NEMP2: variants seen among roughly 807,000 people sequenced by gnomAD.
NEMP2 encodes the protein UPF0571 transmembrane protein.
A neutral mutation model predicts 54.2 loss-of-function variants in NEMP2; 53 were observed. The ratio of observed to expected loss-of-function variants is 0.98; its 90% CI spans 0.78 to 1.23. NEMP2 has a LOEUF of 1.23. Ranked by LOEUF, NEMP2 falls within the 50% of genes most tolerant of loss-of-function variation. The pLI is 0.00. For synonymous variants in NEMP2, 197 were observed against 190.3 expected (o/e 1.04, Z -0.29); for missense variants, 455 against 511.3 (o/e 0.89, Z 1.06).
chr2:190,549,359 G>A, the NEMP2 span, among the ~76,000 whole-genome samples: 12 of 152,274 alleles, frequency 7.9e-5, no homozygotes, highest in African/African-American at 2.2e-4. Flanking sequence ...CTCAAATTCC[G>A]TGATTTCTTT....
the NEMP2 span, chr2:190,497,525 G>T: frequency 6.2e-7 from 1 of 1,614,202 alleles, no homozygotes; most frequent in South Asian, 1.1e-5. This position sits in a 1 kb window ranked among gnomAD's most constrained non-coding sequence, Gnocchi z 5.2. Flanking sequence ...ACAGACAGAA[G>T]ATGTCATGCC....
the NEMP2 span, among the ~76,000 whole-genome samples, chr2:190,606,806 A>T: frequency 4.1e-4 from 62 of 152,364 alleles, no homozygotes; most frequent in Admixed American, 1.4e-3. Context: ...AATTTTTTTT[A>T]AAAATGCCTT....
downstream of NEMP2, chr2:190,499,983 A>C (rs1270887908): frequency 1.9e-6 from 3 of 1,611,082 alleles, no homozygotes; most frequent in Non-Finnish European, 2.5e-6. The surrounding 1 kb of genome is among the most constrained non-coding windows in gnomAD (Gnocchi z 6.0). Context: ...GCTATCACTG[A>C]TCATGGGGCA....
chr2:190,503,580 G>T (rs1690112630), downstream of NEMP2, among the ~76,000 whole-genome samples: 1 of 152,180 alleles, frequency 6.6e-6, no homozygotes, highest in Non-Finnish European at 1.5e-5. The surrounding 1 kb of genome is among the most constrained non-coding windows in gnomAD (Gnocchi z 6.3). Flanking sequence ...TTGATTCTAT[G>T]AAAATGAAGG....
chr2:190,471,939 C>T, the NEMP2 span, among the ~76,000 whole-genome samples: 13 of 152,184 alleles, frequency 8.5e-5, no homozygotes, highest in South Asian at 2.1e-4. The surrounding 1 kb of genome is among the most constrained non-coding windows in gnomAD (Gnocchi z 4.7). Context: ...CACCAATATC[C>T]GCTGTTCTGC....
chr2:190,494,529 A>G, the NEMP2 span, among the ~76,000 whole-genome samples: 7 of 152,250 alleles, frequency 4.6e-5, no homozygotes, highest in South Asian at 2.1e-4. This position sits in a 1 kb window ranked among gnomAD's most constrained non-coding sequence, Gnocchi z 5.7. Context: ...TAACAAAACC[A>G]GGAAAGGACA....
the NEMP2 span, chr2:190,437,382 G>C: frequency 6.2e-7 from 1 of 1,614,130 alleles, no homozygotes; most frequent in Non-Finnish European, 8.5e-7. The surrounding 1 kb of genome is among the most constrained non-coding windows in gnomAD (Gnocchi z 5.9). Flanking sequence ...GCTCAGTGCT[G>C]TTTGTGGCTT....
chr2:190,502,569 A>G (rs939922280), downstream of NEMP2, among the ~76,000 whole-genome samples: 18 of 152,202 alleles, frequency 1.2e-4, no homozygotes, highest in Admixed American at 4.6e-4. This position sits in a 1 kb window ranked among gnomAD's most constrained non-coding sequence, Gnocchi z 4.4. Flanking sequence ...ACCTCATGAA[A>G]AGTGTTAAGG....
At chr2:190,604,021 T>A in the NEMP2 span, among the ~76,000 whole-genome samples, 2 of 152,248 alleles carry the variant, frequency 1.3e-5, no homozygotes, top group African/African-American at 2.4e-5. The surrounding 1 kb of genome is among the most constrained non-coding windows in gnomAD (Gnocchi z 4.5). Flanking sequence ...CTGATTATAA[T>A]TTGAAATCAA....
the NEMP2 span, among the ~76,000 whole-genome samples, chr2:190,638,972 G>GAAAAAAAAAAAA: frequency 6.6e-6 from 1 of 152,154 alleles, no homozygotes; most frequent in Non-Finnish European, 1.5e-5. This position sits in a 1 kb window ranked among gnomAD's most constrained non-coding sequence, Gnocchi z 5.7. Context: ...CACTGGGTGT[G>GAAAAAAAAAAAA]AAAGCCCAGT....
rs544500917 is a variant in NEMP2, at chr2:190,527,930, C to A, written c.98-2552G>T. 1.4e-4 allele frequency among the ~76,000 whole-genome samples: 22 copies of A among 152,278 alleles called. No individual in the cohort carries two copies. Among genetic ancestry groups the A allele is most frequent in the African/African-American group, 5.3e-4 (22 of 41,542 alleles). On this transcript the variant is annotated intron_variant, in intron 1 of 8. Coordinates refer to ENST00000409150, the MANE Select transcript of NEMP2 (RefSeq NM_001142645.2). This position sits in a 1 kb window ranked among gnomAD's most constrained non-coding sequence, Gnocchi z 4.0. The stretch of plus-strand genomic sequence containing the variant: ...AAACCACCCCAACCCCACTCCTATC[C>A]TGTGGAAAAACTGTCTTCCATGAAA...
chr2:190,534,414 C>G, intron 1 of NEMP2, 145 bp downstream of exon 1: 1 of 1,217,440 alleles, frequency 8.2e-7, no homozygotes, highest in Non-Finnish European at 1.0e-6. Context: ...GGGGCCTGCC[C>G]GGGAGACCCC....
the NEMP2 span, among the ~76,000 whole-genome samples, chr2:190,499,227 G>C: frequency 6.6e-6 from 1 of 152,180 alleles, no homozygotes; most frequent in Non-Finnish European, 1.5e-5. The surrounding 1 kb of genome is among the most constrained non-coding windows in gnomAD (Gnocchi z 6.0). Context: ...CAGGTATGCT[G>C]TAGTTATTCT....
At chr2:190,539,662 T>G (rs1351939647), upstream of NEMP2, among the ~76,000 whole-genome samples, 1 of 152,196 alleles carries the variant, frequency 6.6e-6, no homozygotes, top group African/African-American at 2.4e-5. This position sits in a 1 kb window ranked among gnomAD's most constrained non-coding sequence, Gnocchi z 4.1. Flanking sequence ...CCTAGGTATT[T>G]TATACTCTTT....
At chr2:190,469,073 G>A in the NEMP2 span, among the ~76,000 whole-genome samples, 1 of 152,062 alleles carries the variant, frequency 6.6e-6, no homozygotes, top group African/African-American at 2.4e-5. The surrounding 1 kb of genome is among the most constrained non-coding windows in gnomAD (Gnocchi z 5.3). Flanking sequence ...TTTTGGCAGC[G>A]GTAATGGTGG....
chr2:190,645,304 T>TA, the NEMP2 span, among the ~76,000 whole-genome samples: 1 of 152,212 alleles, frequency 6.6e-6, no homozygotes, highest in South Asian at 2.1e-4. Context: ...CAAATGGTGT[T>TA]AAAAATTCAG....
chr2:190,554,119 C>T, the NEMP2 span, among the ~76,000 whole-genome samples: 2 of 152,170 alleles, frequency 1.3e-5, no homozygotes, highest in Non-Finnish European at 2.9e-5. The surrounding 1 kb of genome is among the most constrained non-coding windows in gnomAD (Gnocchi z 5.7). Flanking sequence ...CCATGCACTC[C>T]GGCCCAGATA....
rs4578891 is a variant in NEMP2 at position 190,533,878 on chromosome 2, T to C, written c.97+681A>G. The C allele has an allele frequency of 1.4e-6, 1 of 708,562 alleles. No individual in the cohort carries two copies. The highest frequency in any genetic ancestry group is 1.7e-6 in the Non-Finnish European group (1 of 576,938). 43.9% of individuals were successfully genotyped at this position (708,562 alleles called of 1,614,324 possible). ...TTCCCCAGGTGTCCTTCCCAGATCC[T>C]TCCCCAGTGTGCCAGCATCTTAAGC... On this transcript the variant is annotated intron_variant, in intron 1 of 8. Coordinates refer to ENST00000409150, the MANE Select transcript of NEMP2 (RefSeq NM_001142645.2). The surrounding 1 kb of genome is among the most constrained non-coding windows in gnomAD (Gnocchi z 4.3).
the NEMP2 span, among the ~76,000 whole-genome samples, chr2:190,490,285 C>T: frequency 2.6e-5 from 4 of 151,276 alleles, no homozygotes; most frequent in East Asian, 1.9e-4. The surrounding 1 kb of genome is among the most constrained non-coding windows in gnomAD (Gnocchi z 4.5). Context: ...AAACAATGGC[C>T]GGGTGCAGTG....
Sources: allele counts gnomAD v4.1 joint callset (sites outside exome capture counted in the v4.1 genomes callset), GRCh38; gene constraint gnomAD v4.1.1; non-coding constraint Gnocchi (gnomAD v3.1); transcripts MANE v1.5; gene names NCBI Gene and HGNC (gene_info 2026-07-23, HGNC 2026-07-21).